ARHGAP26: variants seen among roughly 807,000 people sequenced by gnomAD.
ARHGAP26 encodes rho GTPase-activating protein 26.
ARHGAP26 carries 38 observed loss-of-function variants against 104.8 expected under a neutral mutation model. The observed-to-expected ratio is 0.36, with a 90% CI of 0.28 to 0.48. The LOEUF (loss-of-function observed/expected upper bound fraction) is 0.48. Ranked by LOEUF, ARHGAP26 falls within the 20% of genes least tolerant of loss-of-function variation. The pLI, the probability that ARHGAP26 is intolerant of heterozygous loss-of-function variation, is 0.99. For missense variants in ARHGAP26, 704 were observed against 947.9 expected, an observed-to-expected ratio of 0.74 and a Z score of 3.38; for synonymous variants, 341 against 340.0, an observed-to-expected ratio of 1.00 and a Z score of -0.03.
intron 17 of ARHGAP26, among the ~76,000 whole-genome samples, chr5:143,079,610 T>C (rs1037303968): frequency 6.6e-6 from 1 of 152,208 alleles, no homozygotes; most frequent in Admixed American, 6.5e-5. Flanking sequence ...TCAGACCGGA[T>C]TAAACGAACA....
intron 11 of ARHGAP26, among the ~76,000 whole-genome samples, chr5:142,995,551 T>A (rs1195580052): frequency 6.6e-6 from 1 of 152,256 alleles, no homozygotes. Context: ...GGAACGCTTT[T>A]ACACTGTTGG....
chr5:143,212,211 C>CTGGCTAATGTGAACTGGATTCTCCT (rs1809574857), intron 21 of ARHGAP26, among the ~76,000 whole-genome samples: 2 of 152,184 alleles, frequency 1.3e-5, no homozygotes, highest in Non-Finnish European at 1.5e-5. Context: ...CTCTGAGACC[C>CTGGCTAATGTGAACTGGATTCTCCT]TGGCTAATGT....
intron 1 of ARHGAP26, among the ~76,000 whole-genome samples, chr5:142,788,050 G>A (rs1759024163): frequency 6.7e-6 from 1 of 148,998 alleles, no homozygotes; most frequent in Non-Finnish European, 1.5e-5. Context: ...CTGGAGTACA[G>A]TGGCATGTGG....
At position 142,894,321 on chromosome 5, in the gene ARHGAP26, G is replaced by T. The variant is rs761536340; in HGVS notation, c.570G>T (p.Glu190Asp). The change falls in exon 6 of 23, where the codon GAG becomes GAT. Residue 190 changes from glutamate (E) to aspartate (D), a missense_variant. By Grantham distance (45) the Glu-to-Asp change is conservative. Coordinates refer to ENST00000645722, the MANE Select transcript of ARHGAP26 (RefSeq NM_001135608.3). ...TCTTCAAGGTGCAGGAAGTCCAAGAGAGAAAGATGTTTGAGTTTGTGGAGC... is the reference window on the plus strand; with the variant it reads ...TCTTCAAGGTGCAGGAAGTCCAAGATAGAAAGATGTTTGAGTTTGTGGAGC... The part of the protein sequence containing the change: ...EYVFKVQEVQ[E>D]RKMFEFVEPL... 2.5e-6 allele frequency: 4 copies of T among 1,614,110 alleles called. No individual in the cohort carries two copies. Among genetic ancestry groups the T allele is most frequent in the Non-Finnish European group, 2.5e-6 (3 of 1,179,970 alleles).
In ARHGAP26 at chr5:143,222,255, AC is replaced by A. The variant is rs1302694896; in HGVS notation, c.2192-102del. On this transcript the variant is annotated intron_variant, in intron 22 of 22. Transcript: ENST00000645722. Reference sequence around the variant, plus strand: ...GTCCAAGCTTCCTTCATACACACACACACACACACACACACACACACACACA... The same window carrying A: ...GTCCAAGCTTCCTTCATACACACACAACACACACACACACACACACACACA... 5 of 116,044 alleles carry A rather than the reference AC, an allele frequency of 4.3e-5. No individual in the cohort carries two copies. The African/African-American group carries it at 2.3e-3, about 53-fold the overall frequency. 7.2% of individuals were successfully genotyped at this position (116,044 alleles called of 1,614,324 possible).
intron 20 of ARHGAP26, among the ~76,000 whole-genome samples, chr5:143,184,456 G>C (rs1197950901): frequency 6.6e-6 from 1 of 152,148 alleles, no homozygotes; most frequent in Non-Finnish European, 1.5e-5. Context: ...CCGTGGGTGG[G>C]GGTCTGTGTG....
At chr5:142,995,098 G>A (rs892005751) in intron 11 of ARHGAP26, among the ~76,000 whole-genome samples, 1 of 152,182 alleles carries the variant, frequency 6.6e-6, no homozygotes. Flanking sequence ...TCAGGACATA[G>A]GCATGGGCAA....
Position 143,029,392 on chromosome 5 carries a change from G to GTTTTTTTTTTTTTTTTTTTTTTTTT in ARHGAP26, c.1145-7798_1145-7774dup, listed in dbSNP as rs536919888. On this transcript the variant is annotated intron_variant, in intron 12 of 22. Coordinates refer to ENST00000645722, the MANE Select transcript of ARHGAP26 (RefSeq NM_001135608.3). ...CATGTTAGAAATCCTTTACTTCTCA[G>GTTTTTTTTTTTTTTTTTTTTTTTTT]TTTTTTTTTTTTTTTTTTTTTTTTT... is the stretch of plus-strand genomic sequence containing the variant. Among the ~76,000 whole-genome samples, 7 of 80,812 alleles carry GTTTTTTTTTTTTTTTTTTTTTTTTT rather than the reference G, an allele frequency of 8.7e-5. 1 individual carries two copies. The highest frequency in any genetic ancestry group is 1.3e-4 in the African/African-American group (3 of 22,624). The allele number at this position is 80,812 out of a possible 152,430, so 53.0% of individuals were successfully genotyped here. A position where few individuals can be genotyped will look rare whatever the true frequency, so the allele number is the denominator to read the frequency against.
At chr5:143,058,140 G>A in intron 17 of ARHGAP26, 1 of 445,870 alleles carries the variant, frequency 2.2e-6, no homozygotes, top group Non-Finnish European at 4.4e-6. Flanking sequence ...TGGGTTTTTA[G>A]TAAAGAGGAC....
Position 143,048,450 on chromosome 5 carries a change from G to A in ARHGAP26, c.1286-5989G>A, listed in dbSNP as rs529579677. 2.6e-3 allele frequency among the ~76,000 whole-genome samples: 385 copies of A among 148,820 alleles called. 2 individuals are homozygous for A. Among genetic ancestry groups the A allele is most frequent in the African/African-American group, 8.5e-3 (343 of 40,358 alleles). The stretch of plus-strand genomic sequence containing the variant: ...TAATTTTTGTATTTTTAGTAGAGAC[G>A]GGGTTTCATCATGTTGCCCAGGCTG... On this transcript the variant is annotated intron_variant, in intron 14 of 22. Transcript: ENST00000645722.
At chr5:142,997,640 A>G (rs372827247) in intron 11 of ARHGAP26, among the ~76,000 whole-genome samples, 4 of 147,830 alleles carry the variant, frequency 2.7e-5, no homozygotes, top group African/African-American at 1.0e-4. Context: ...CTGGTCTCAA[A>G]CTCCTGATCC....
chr5:143,117,379 C>A (rs886576815), intron 17 of ARHGAP26, among the ~76,000 whole-genome samples: 2 of 152,200 alleles, frequency 1.3e-5, no homozygotes, highest in African/African-American at 4.8e-5. Flanking sequence ...CTAGGCCTTT[C>A]TGTCCGGGAT....
chr5:142,849,346 TCCCCTC>T (rs1368509371), intron 1 of ARHGAP26, among the ~76,000 whole-genome samples: 2 of 152,180 alleles, frequency 1.3e-5, no homozygotes, highest in Admixed American at 1.3e-4. Context: ...CTCTTATCTC[TCCCCTC>T]CCAGAGCATT....
At chr5:142,895,206 G>A (rs1288056858) in intron 6 of ARHGAP26, among the ~76,000 whole-genome samples, 1 of 152,098 alleles carries the variant, frequency 6.6e-6, no homozygotes, top group Non-Finnish European at 1.5e-5. Flanking sequence ...TCTCTACCTA[G>A]ATTTAAGAAA....
At chr5:143,201,208 C>T (rs1807665249) in intron 20 of ARHGAP26, among the ~76,000 whole-genome samples, 1 of 152,132 alleles carries the variant, frequency 6.6e-6, no homozygotes, top group African/African-American at 2.4e-5. Context: ...ACAGTGTATG[C>T]TGTGTTGTTG....
chr5:142,770,791 C>T lies in ARHGAP26; in HGVS notation c.30C>T (p.Asp10=), dbSNP rs1755042225. 2.5e-6 allele frequency: 4 copies of T among 1,582,160 alleles called. No individual in the cohort carries two copies. In the East Asian group the frequency reaches 9.8e-5, roughly 39 times the overall value. Reference sequence around the variant, plus strand: ...GGCTCCCAGCGCTCGAGTTCAGCGACTGCTGCCTCGATAGTCCGCACTTCC... The same window carrying T: ...GGCTCCCAGCGCTCGAGTTCAGCGATTGCTGCCTCGATAGTCCGCACTTCC... MGLPALEFS[D]CCLDSPHFRE... The change falls in exon 1 of 23, where the codon GAC becomes GAT. Residue 10 remains aspartate (D), a synonymous_variant. Transcript: ENST00000645722.
At chr5:142,777,599 A>T (rs548774342) in intron 1 of ARHGAP26, among the ~76,000 whole-genome samples, 58 of 152,276 alleles carry the variant, frequency 3.8e-4, no homozygotes, top group African/African-American at 1.1e-3. Context: ...TTCTGTTTCA[A>T]ATTATATATT....
rs1199839859 is a variant in ARHGAP26, at chr5:143,037,179, T to TTC, written c.1145-13_1145-12dup. ...TCCATGGCTAGCAACTTGACTGTCC[T>TTC]TCTCTTGCTCTTTCAGCTGCGCAGT... On this transcript the variant is annotated splice_polypyrimidine_tract_variant and intron_variant, in intron 12 of 22. Transcript: ENST00000645722. The TTC allele has an allele frequency of 6.3e-7, 1 of 1,592,748 alleles. No individual in the cohort carries two copies. The highest frequency in any genetic ancestry group is 1.1e-5 in the South Asian group (1 of 89,398).
intron 18 of ARHGAP26, among the ~76,000 whole-genome samples, chr5:143,123,234 A>C (rs893466077): frequency 6.6e-6 from 1 of 152,210 alleles, no homozygotes; most frequent in Non-Finnish European, 1.5e-5. Flanking sequence ...GAACATGTAC[A>C]TTACTCTGGG....
Sources: gnomAD v4.1 joint callset for allele counts (sites outside exome capture counted in the v4.1 genomes callset) on GRCh38, gnomAD v4.1.1 for gene constraint, MANE v1.5 for transcripts, NCBI Gene and HGNC (gene_info 2026-07-23, HGNC 2026-07-21) for gene names.